Variants in ZFHX3 observed in about 807,000 individuals in gnomAD.
The protein encoded by ZFHX3 is zinc finger homeobox 3.
In ZFHX3, 42 loss-of-function variants were observed where a neutral mutation model predicts 279.1. The ratio of observed to expected loss-of-function variants is 0.15; its 90% CI spans 0.12 to 0.19. The LOEUF is 0.19. Ranked by LOEUF, ZFHX3 falls within the 10% of genes least tolerant of loss-of-function variation. The probability of loss-of-function intolerance (pLI) is 1.00; values close to 1 mark genes in which losing one functional copy is unlikely to be tolerated. For missense variants in ZFHX3, 4,981 were observed against 4,754.0 expected, an observed-to-expected ratio of 1.05 and a Z score of -1.40; for synonymous variants, 2,293 against 1,957.8, an observed-to-expected ratio of 1.17 and a Z score of -4.52.
intron 1 of ZFHX3, among the ~76,000 whole-genome samples, chr16:73,038,943 G>A (rs1210520072): frequency 4.0e-5 from 6 of 151,440 alleles, no homozygotes; most frequent in South Asian, 4.2e-4. Flanking sequence ...GAATACAGGC[G>A]TGCACCACCA....
At chr16:73,481,261 G>A (rs1024852705) in intron 2 of ZFHX3, among the ~76,000 whole-genome samples, 1 of 152,060 alleles carries the variant, frequency 6.6e-6, no homozygotes, top group South Asian at 2.1e-4. Flanking sequence ...TCCAGGAGGT[G>A]GAGGCTGCAG....
intron 3 of ZFHX3, among the ~76,000 whole-genome samples, chr16:73,320,661 A>C (rs1221020606): frequency 6.6e-6 from 1 of 152,192 alleles, no homozygotes; most frequent in Non-Finnish European, 1.5e-5. Flanking sequence ...GCTGTGGCAC[A>C]CATGAGACAG....
At chr16:73,651,611 C>G (rs12921885) in intron 2 of ZFHX3, among the ~76,000 whole-genome samples, 14,750 of 137,608 alleles carry the variant, frequency 0.11, 846 homozygotes, top group African/African-American at 0.14. Context: ...CCGAGGTGGG[C>G]AGATCACGAG....
chr16:73,544,176 G>C (rs1245021834), intron 2 of ZFHX3, among the ~76,000 whole-genome samples: 4 of 152,016 alleles, frequency 2.6e-5, no homozygotes, highest in Non-Finnish European at 5.9e-5. Flanking sequence ...CATTGCCTAG[G>C]ACCTGGGTTA....
intron 3 of ZFHX3, among the ~76,000 whole-genome samples, chr16:73,319,136 G>A (rs754718754): frequency 6.6e-6 from 1 of 152,018 alleles, no homozygotes; most frequent in Non-Finnish European, 1.5e-5. Context: ...GACGCACAAG[G>A]ACCGGAGCAG....
chr16:73,219,916 T>C (rs1401651935), intron 5 of ZFHX3, among the ~76,000 whole-genome samples: 1 of 152,030 alleles, frequency 6.6e-6, no homozygotes, highest in African/African-American at 2.4e-5. Context: ...TGAAACCCCG[T>C]CTCTACCAAA....
Position 72,970,462 on chromosome 16 carries a change from G to T in ZFHX3, c.-49-10268C>A, listed in dbSNP as rs114867383. 3.1e-3 allele frequency among the ~76,000 whole-genome samples: 467 copies of T among 152,188 alleles called. 3 individuals carry two copies. The highest frequency in any genetic ancestry group is 0.01 in the African/African-American group (427 of 41,514). On this transcript the variant is annotated intron_variant, in intron 1 of 9. Coordinates refer to ENST00000268489, the MANE Select transcript of ZFHX3 (RefSeq NM_006885.4). ...TTCCACAACAAGAAAGACAAGCATCGTGTGCCCATGACTGGCTTGACTGGT... is the reference window on the plus strand; with the variant it reads ...TTCCACAACAAGAAAGACAAGCATCTTGTGCCCATGACTGGCTTGACTGGT...
intron 2 of ZFHX3, among the ~76,000 whole-genome samples, chr16:73,485,708 C>T (rs958694311): frequency 1.3e-5 from 2 of 152,144 alleles, no homozygotes; most frequent in African/African-American, 4.8e-5. Context: ...TCCCTCTGCC[C>T]GCTGGATGTC....
chr16:72,942,267 T>A (rs1960446447), intron 3 of ZFHX3, among the ~76,000 whole-genome samples: 1 of 152,246 alleles, frequency 6.6e-6, no homozygotes, highest in South Asian at 2.1e-4. Context: ...AGAGTGTGTT[T>A]ACCTAAAACA....
At chr16:73,514,118 C>A (rs1038598337) in intron 2 of ZFHX3, among the ~76,000 whole-genome samples, 1 of 151,942 alleles carries the variant, frequency 6.6e-6, no homozygotes, top group Non-Finnish European at 1.5e-5. Context: ...CATGGTGGCA[C>A]GCACCTGTAG....
intron 5 of ZFHX3, among the ~76,000 whole-genome samples, chr16:73,241,032 T>C (rs182231436): frequency 6.6e-6 from 1 of 152,322 alleles, no homozygotes; most frequent in Admixed American, 6.5e-5. Context: ...TGGTGCATTT[T>C]TCTCAAAGAA....
chr16:73,246,972 T>G (rs1017552028), intron 5 of ZFHX3, among the ~76,000 whole-genome samples: 1 of 152,224 alleles, frequency 6.6e-6, no homozygotes, highest in African/African-American at 2.4e-5. Flanking sequence ...CCAGTGTGGA[T>G]GTATATGTAT....
intron 3 of ZFHX3, among the ~76,000 whole-genome samples, chr16:72,943,310 G>T (rs762298580): frequency 1.3e-5 from 2 of 152,170 alleles, no homozygotes; most frequent in Non-Finnish European, 2.9e-5. Context: ...AAGGTGGGTG[G>T]ATCACCCAAG....
chr16:72,813,571 A>G (rs1407909720), intron 5 of ZFHX3, among the ~76,000 whole-genome samples: 1 of 152,234 alleles, frequency 6.6e-6, no homozygotes, highest in African/African-American at 2.4e-5. Flanking sequence ...AACCTGGTCT[A>G]CATAAGTTTG....
At chr16:73,448,681 T>C (rs1225828051) in intron 3 of ZFHX3, among the ~76,000 whole-genome samples, 1 of 132,532 alleles carries the variant, frequency 7.5e-6, no homozygotes, top group Non-Finnish European at 1.6e-5. Context: ...TGTATATTTA[T>C]ATACGTGTGT....
intron 1 of ZFHX3, among the ~76,000 whole-genome samples, chr16:72,994,891 G>C (rs747519132): frequency 2.6e-5 from 4 of 152,210 alleles, no homozygotes; most frequent in Non-Finnish European, 4.4e-5. Flanking sequence ...CCTGTGGACA[G>C]GGTTGAAAAG....
At chr16:72,925,495 C>A (rs536515704) in intron 3 of ZFHX3, among the ~76,000 whole-genome samples, 2 of 152,340 alleles carry the variant, frequency 1.3e-5, no homozygotes, top group Admixed American at 6.5e-5. Flanking sequence ...CCCCAACCAC[C>A]GCAGCAATGC....
chr16:73,565,331 T>G (rs2143796729), intron 2 of ZFHX3, among the ~76,000 whole-genome samples: 1 of 152,154 alleles, frequency 6.6e-6, no homozygotes, highest in South Asian at 2.1e-4. Context: ...TCTACAAAAC[T>G]TATCAATTTT....
intron 1 of ZFHX3, among the ~76,000 whole-genome samples, chr16:73,860,198 C>A (rs1231075933): frequency 6.6e-6 from 1 of 152,174 alleles, no homozygotes; most frequent in Non-Finnish European, 1.5e-5. Flanking sequence ...TGATAAATTA[C>A]CAAATTCCCA....
Sources: allele counts gnomAD v4.1 joint callset (sites outside exome capture counted in the v4.1 genomes callset), GRCh38; gene constraint gnomAD v4.1.1; transcripts MANE v1.5; gene names NCBI Gene and HGNC (gene_info 2026-07-23, HGNC 2026-07-21).